CDH4: variants seen among roughly 807,000 people sequenced by gnomAD.
CDH4 encodes the protein cadherin 4.
CDH4 carries 33 observed loss-of-function variants against 86.0 expected under a neutral mutation model. The observed-to-expected ratio is 0.38, with a 90% CI of 0.29 to 0.51. The LOEUF (loss-of-function observed/expected upper bound fraction) is 0.51. Ranked by LOEUF, CDH4 falls within the 20% of genes least tolerant of loss-of-function variation. The pLI is 0.86. For missense variants in CDH4, 1,114 were observed against 1,307.4 expected (o/e 0.85, Z 2.28); for synonymous variants, 555 against 549.4 (o/e 1.01, Z -0.14).
chr20:61,793,070 C>G (rs772133038), intron 4 of CDH4, among the ~76,000 whole-genome samples: 5 of 152,146 alleles, frequency 3.3e-5, no homozygotes, highest in Non-Finnish European at 5.9e-5. Flanking sequence ...TCCAGTGATT[C>G]TCCTGCCTCA....
At chr20:61,492,653 T>A (rs1479306785) in intron 2 of CDH4, among the ~76,000 whole-genome samples, 1 of 152,132 alleles carries the variant, frequency 6.6e-6, no homozygotes, top group East Asian at 1.9e-4. Flanking sequence ...GGCAATGCCG[T>A]GGTGAAAATA....
intron 2 of CDH4, among the ~76,000 whole-genome samples, chr20:61,647,538 TCC>T (rs1266643497): frequency 5.1e-5 from 5 of 97,764 alleles, no homozygotes; most frequent in African/African-American, 1.1e-4. Context: ...TCTCTCCCTC[TCC>T]CTCTCCCTCT....
intron 2 of CDH4, among the ~76,000 whole-genome samples, chr20:61,473,160 A>C (rs2085515507): frequency 6.6e-6 from 1 of 152,242 alleles, no homozygotes; most frequent in African/African-American, 2.4e-5. Context: ...TAATATTTCT[A>C]TCTCTCAGAT....
intron 2 of CDH4, among the ~76,000 whole-genome samples, chr20:61,374,070 A>T (rs1320904098): frequency 6.6e-6 from 1 of 152,190 alleles, no homozygotes; most frequent in Non-Finnish European, 1.5e-5. Flanking sequence ...ATGGTGACAG[A>T]GCATGGACCC....
rs148804818 is a variant in CDH4, at chr20:61,861,590, G to GAACCCAACCACAGAA, written c.877+8706_877+8720dup. ...AAGTCACAGAAAACCCAACCACAGA[G>GAACCCAACCACAGAA]AACCCAACCACAGAAAACCCAACCA... is the stretch of plus-strand genomic sequence containing the variant. On this transcript the variant is annotated intron_variant, in intron 6 of 15. Coordinates refer to ENST00000614565, the MANE Select transcript of CDH4 (RefSeq NM_001794.5). Among the ~76,000 whole-genome samples the GAACCCAACCACAGAA allele has an allele frequency of 4.6e-4, 70 of 152,216 alleles. 1 individual carries two copies. The highest frequency in any genetic ancestry group is 1.6e-3 in the African/African-American group (67 of 41,558).
rs62200942 is a variant in CDH4 at position 61,480,063 on chromosome 20, G to A, written c.169+225126G>A. On this transcript the variant is annotated intron_variant, in intron 2 of 15. Coordinates refer to ENST00000614565, the MANE Select transcript of CDH4 (RefSeq NM_001794.5). The surrounding 1 kb of genome is among the most constrained non-coding windows in gnomAD (Gnocchi z 5.2). ...GACATCTTTTGTGTCTTGATCTGTC[G>A]ATGTTTTCTTCTGCATTCTTCAACA... 6.6e-5 allele frequency among the ~76,000 whole-genome samples: 10 copies of A among 152,180 alleles called. No individual in the cohort carries two copies. Among genetic ancestry groups the A allele is most frequent in the Admixed American group, 3.9e-4 (6 of 15,282 alleles).
intron 2 of CDH4, among the ~76,000 whole-genome samples, chr20:61,565,904 C>T (rs371587682): frequency 1.3e-5 from 2 of 152,286 alleles, no homozygotes; most frequent in South Asian, 4.1e-4. Context: ...TGTCTGCATC[C>T]ACCCCCTCTG....
Position 61,379,156 on chromosome 20 carries a change from A to AC in CDH4, c.169+124219_169+124220insC, listed in dbSNP as rs532935527. ...GGCCTGCCTGACAAGTGGTAAGTGTAATTCCTCTTAACAGACTAACACCAG... is the reference window on the plus strand; with the variant it reads ...GGCCTGCCTGACAAGTGGTAAGTGTACATTCCTCTTAACAGACTAACACCAG... On this transcript the variant is annotated intron_variant, in intron 2 of 15. Transcript: ENST00000614565. Among the ~76,000 whole-genome samples the AC allele has an allele frequency of 2.5e-3, 388 of 152,264 alleles. 3 individuals carry two copies. The highest frequency in any genetic ancestry group is 4.4e-3 in the Non-Finnish European group (297 of 68,012).
chr20:61,625,316 T>C (rs2086820852), intron 2 of CDH4, among the ~76,000 whole-genome samples: 1 of 152,192 alleles, frequency 6.6e-6, no homozygotes, highest in South Asian at 2.1e-4. Flanking sequence ...GTATATTCAT[T>C]CAACATTCAA....
rs1301460629 is a variant in CDH4 at position 61,269,932 on chromosome 20, A to C, written c.169+14995A>C. Among the ~76,000 whole-genome samples, 1 of 152,176 alleles carries C rather than the reference A, an allele frequency of 6.6e-6. No homozygotes were observed. The highest frequency in any genetic ancestry group is 1.5e-5 in the Non-Finnish European group (1 of 68,034). On this transcript the variant is annotated intron_variant, in intron 2 of 15. Transcript: ENST00000614565. The surrounding 1 kb of genome is among the most constrained non-coding windows in gnomAD (Gnocchi z 5.3). ...TAAGCTCCCCTGACCAATCTCCTCC[A>C]GAATCTGGCCCCCAGATGTGGAGAG...
intron 2 of CDH4, among the ~76,000 whole-genome samples, chr20:61,450,335 G>T (rs1461857925): frequency 6.6e-6 from 1 of 152,138 alleles, no homozygotes. Flanking sequence ...CACAGATCCA[G>T]CCTTACACAC....
At chr20:61,297,733 C>T (rs891892817) in intron 2 of CDH4, among the ~76,000 whole-genome samples, 1 of 152,260 alleles carries the variant, frequency 6.6e-6, no homozygotes, top group African/African-American at 2.4e-5. Context: ...CCTGCCCTCT[C>T]GCGTGTATGA....
chr20:61,397,877 G>C (rs1259423752), intron 2 of CDH4, among the ~76,000 whole-genome samples: 1 of 152,124 alleles, frequency 6.6e-6, no homozygotes. Flanking sequence ...ACTTTAGCAT[G>C]AACGCTTGGC....
chr20:61,765,574 G>A (rs1038167736), intron 3 of CDH4, among the ~76,000 whole-genome samples: 2 of 151,920 alleles, frequency 1.3e-5, no homozygotes, highest in Non-Finnish European at 2.9e-5. Context: ...GAGCAGGGAA[G>A]AGGAGGAGGA....
intron 2 of CDH4, among the ~76,000 whole-genome samples, chr20:61,451,003 G>A (rs1015544779): frequency 6.6e-6 from 1 of 152,014 alleles, no homozygotes; most frequent in Non-Finnish European, 1.5e-5. Flanking sequence ...TTGTGAGGAA[G>A]TCCACAAACC....
intron 2 of CDH4, among the ~76,000 whole-genome samples, chr20:61,320,593 G>T (rs895371851): frequency 6.6e-6 from 1 of 152,038 alleles, no homozygotes; most frequent in East Asian, 1.9e-4. Flanking sequence ...GTTTGTGAGT[G>T]GGGGATGGGG....
At chr20:61,880,732 G>A (rs972090777) in intron 7 of CDH4, among the ~76,000 whole-genome samples, 5 of 152,232 alleles carry the variant, frequency 3.3e-5, no homozygotes, top group East Asian at 3.9e-4. Flanking sequence ...AGGTTTGGGC[G>A]CGGTCCCCAC....
intron 2 of CDH4, among the ~76,000 whole-genome samples, chr20:61,611,957 G>A (rs1200616054): frequency 6.6e-6 from 1 of 152,078 alleles, no homozygotes; most frequent in African/African-American, 2.4e-5. Context: ...GTCACCTTCT[G>A]TGTCACCATC....
At chr20:61,777,065 A>G (rs17748881) in intron 4 of CDH4, among the ~76,000 whole-genome samples, 6,804 of 152,278 alleles carry the variant, frequency 0.045, 185 homozygotes, top group Middle Eastern at 0.095. Context: ...CAACCAGATC[A>G]TTCTTTACCC....
Sources: allele counts gnomAD v4.1 joint callset (sites outside exome capture counted in the v4.1 genomes callset), GRCh38; gene constraint gnomAD v4.1.1; non-coding constraint Gnocchi (gnomAD v3.1); transcripts MANE v1.5; gene names NCBI Gene and HGNC (gene_info 2026-07-23, HGNC 2026-07-21).